WFDC11: variants seen among roughly 807,000 people sequenced by gnomAD.
WFDC11 encodes WAP four-disulfide core domain 11, also known as protein WFDC11.
In WFDC11, 9 loss-of-function variants were observed where a neutral mutation model predicts 9.9. That is an observed-to-expected ratio of 0.91 (90% confidence interval 0.55 to 1.58). WFDC11 has a LOEUF of 1.58. WFDC11 is among the 40% of genes most tolerant of loss of function. WFDC11 has a pLI of 0.00. For synonymous variants in WFDC11, 32 were observed against 33.3 expected (o/e 0.96, Z 0.13); for missense variants, 106 against 101.7 (o/e 1.04, Z -0.18).
intron 2 of WFDC11, among the ~76,000 whole-genome samples, chr20:45,654,975 G>A (rs1462854054): frequency 6.6e-6 from 1 of 152,092 alleles, no homozygotes. Context: ...AGGACCAGAT[G>A]GATTCACAGC....
chr20:45,666,847 G>A (rs1170960876), intron 2 of WFDC11, among the ~76,000 whole-genome samples: 1 of 152,216 alleles, frequency 6.6e-6, no homozygotes, highest in East Asian at 1.9e-4. Flanking sequence ...GGAATAGCAT[G>A]TAGATGATGC....
intron 2 of WFDC11, among the ~76,000 whole-genome samples, chr20:45,661,075 C>T (rs1983051497): frequency 6.6e-6 from 1 of 152,124 alleles, no homozygotes; most frequent in African/African-American, 2.4e-5. Context: ...CTCTCCAGCA[C>T]CTATTGTTTC....
intron 3 of WFDC11, among the ~76,000 whole-genome samples, chr20:45,650,025 C>A (rs1446511890): frequency 1.3e-5 from 2 of 152,098 alleles, no homozygotes; most frequent in African/African-American, 2.4e-5. Context: ...ATTCTGAAAG[C>A]CTTGCCACTG....
chr20:45,657,613 C>A (rs540704518), intron 2 of WFDC11, among the ~76,000 whole-genome samples: 1 of 151,826 alleles, frequency 6.6e-6, no homozygotes, highest in Non-Finnish European at 1.5e-5. Flanking sequence ...AGGTTGTCTG[C>A]AGTGGTTTCA....
At chr20:45,658,711 T>C (rs1982988366) in intron 2 of WFDC11, among the ~76,000 whole-genome samples, 1 of 152,022 alleles carries the variant, frequency 6.6e-6, no homozygotes, top group Non-Finnish European at 1.5e-5. Context: ...AATTCTGCTC[T>C]GATCTTGGTT....
intron 2 of WFDC11, among the ~76,000 whole-genome samples, chr20:45,660,714 A>G (rs1000650068): frequency 6.6e-6 from 1 of 151,818 alleles, no homozygotes; most frequent in Non-Finnish European, 1.5e-5. Context: ...ATGATTTCCA[A>G]TTTCACCCAT....
chr20:45,663,587 C>A (rs543317412), intron 2 of WFDC11, among the ~76,000 whole-genome samples: 1 of 152,202 alleles, frequency 6.6e-6, no homozygotes, highest in Non-Finnish European at 1.5e-5. Context: ...TCCCTCTATG[C>A]ACTGCTTAAA....
intron 2 of WFDC11, among the ~76,000 whole-genome samples, chr20:45,660,670 GT>G (rs1230141630): frequency 6.6e-6 from 1 of 151,974 alleles, no homozygotes; most frequent in Non-Finnish European, 1.5e-5. Context: ...GCGGTGTTTG[GT>G]TTTTTTGTTC....
chr20:45,658,913 C>A (rs1380566097), intron 2 of WFDC11, among the ~76,000 whole-genome samples: 1 of 152,052 alleles, frequency 6.6e-6, no homozygotes, highest in Non-Finnish European at 1.5e-5. Context: ...GCCCACCCCC[C>A]CGTCCATGTG....
chr20:45,653,750 T>C (rs537096925), intron 2 of WFDC11, among the ~76,000 whole-genome samples: 1 of 151,694 alleles, frequency 6.6e-6, no homozygotes, highest in South Asian at 2.1e-4. Context: ...ACCAAGCAAA[T>C]GGAAAACAAA....
At chr20:45,661,893 T>C (rs1983076034) in intron 2 of WFDC11, among the ~76,000 whole-genome samples, 1 of 152,210 alleles carries the variant, frequency 6.6e-6, no homozygotes, top group African/African-American at 2.4e-5. Context: ...ATTGTCTTGG[T>C]GATGCGGGCT....
intron 2 of WFDC11, among the ~76,000 whole-genome samples, chr20:45,656,387 A>C (rs1982932374): frequency 1.3e-5 from 2 of 152,244 alleles, no homozygotes; most frequent in Non-Finnish European, 2.9e-5. Flanking sequence ...AGCCATGTGC[A>C]GAAAGCTGAA....
chr20:45,665,327 T>C (rs1273310485), intron 2 of WFDC11, among the ~76,000 whole-genome samples: 2 of 152,218 alleles, frequency 1.3e-5, no homozygotes, highest in Non-Finnish European at 2.9e-5. Flanking sequence ...GACTTTTTCT[T>C]ATGGTTTTTA....
intron 2 of WFDC11, among the ~76,000 whole-genome samples, chr20:45,651,002 A>G (rs576643189): frequency 6.6e-6 from 1 of 152,226 alleles, no homozygotes; most frequent in South Asian, 2.1e-4. Flanking sequence ...TGTACAGATT[A>G]TTTCATCACC....
At chr20:45,669,338 T>G (rs1459470407) in intron 1 of WFDC11, among the ~76,000 whole-genome samples, 1 of 152,194 alleles carries the variant, frequency 6.6e-6, no homozygotes, top group Admixed American at 6.5e-5. Context: ...TATTACAGAT[T>G]CAGTTCCAGG....
At chr20:45,664,729 AT>A (rs1475262688) in intron 2 of WFDC11, among the ~76,000 whole-genome samples, 11 of 152,206 alleles carry the variant, frequency 7.2e-5, no homozygotes, top group Non-Finnish European at 1.2e-4. Context: ...TTCTTTAAGA[AT>A]GTTGATTATT....
At chr20:45,655,478 A>C (rs1243997723) in intron 2 of WFDC11, among the ~76,000 whole-genome samples, 6 of 152,200 alleles carry the variant, frequency 3.9e-5, no homozygotes, top group African/African-American at 7.2e-5. Flanking sequence ...CCAATATCAT[A>C]CTGAAGGGGC....
At chr20:45,656,873 C>T (rs574497329) in intron 2 of WFDC11, among the ~76,000 whole-genome samples, 1 of 152,318 alleles carries the variant, frequency 6.6e-6, no homozygotes, top group Non-Finnish European at 1.5e-5. Flanking sequence ...CAAGTCAAAA[C>T]CACAATGGGA....
At chr20:45,655,188 A>G (rs1181387482) in intron 2 of WFDC11, among the ~76,000 whole-genome samples, 2 of 152,244 alleles carry the variant, frequency 1.3e-5, no homozygotes, top group African/African-American at 4.8e-5. Context: ...CCTCAATAAA[A>G]TACTGGCAAA....
Sources: allele counts gnomAD v4.1 joint callset (sites outside exome capture counted in the v4.1 genomes callset), GRCh38; gene constraint gnomAD v4.1.1; transcripts MANE v1.5; gene names NCBI Gene and HGNC (gene_info 2026-07-23, HGNC 2026-07-21).